The following MTR variants were observed in gnomAD, a reference collection of about 807,000 sequenced individuals.
The protein encoded by MTR is methionine synthase.
MTR carries 84 observed loss-of-function variants against 154.8 expected under a neutral mutation model. The observed-to-expected ratio is 0.54, with a 90% confidence interval of 0.45 to 0.65. The LOEUF (loss-of-function observed/expected upper bound fraction) is 0.65. Among genes scored for constraint, MTR ranks in the 30% least tolerant of loss-of-function variants. The pLI is 0.00. For missense variants in MTR, 1,275 were observed against 1,570.2 expected, an observed-to-expected ratio of 0.81 and a Z score of 3.18; for synonymous variants, 554 against 553.9, an observed-to-expected ratio of 1.00 and a Z score of 0.00.
At chr1:236,895,660 C>G in intron 31 of MTR, 110 bp downstream of exon 31, 1 of 1,138,904 alleles carries the variant, frequency 8.8e-7, no homozygotes, top group Non-Finnish European at 1.3e-6. Context: ...GGCTTCTAAT[C>G]ACATTGTCCC....
intron 27 of MTR, among the ~76,000 whole-genome samples, chr1:236,887,630 T>C (rs774009282): frequency 6.6e-6 from 1 of 152,126 alleles, no homozygotes; most frequent in Non-Finnish European, 1.5e-5. Flanking sequence ...CTGGCAGCGG[T>C]TGGGATGCTT....
At chr1:236,815,489 T>TG (rs1661534629) in intron 6 of MTR, 115 bp from the exon 7 acceptor site, 10 of 997,712 alleles carry the variant, frequency 1.0e-5, no homozygotes, top group South Asian at 1.3e-5. Context: ...CCAGAGAGCT[T>TG]GATGTATATC....
At chr1:236,842,528 T>A (rs563934909) in intron 15 of MTR, among the ~76,000 whole-genome samples, 6 of 152,214 alleles carry the variant, frequency 3.9e-5, no homozygotes, top group Non-Finnish European at 1.5e-5. Context: ...CTCCAAACCG[T>A]CTATTGAGTT....
Position 236,826,816 on chromosome 1 carries a change from T to C in MTR, c.928-13T>C. On this transcript the variant is annotated splice_polypyrimidine_tract_variant and intron_variant, in intron 10 of 32. Coordinates refer to ENST00000366577, the MANE Select transcript of MTR (RefSeq NM_000254.3). ...AGTGAACTTGCTGAAACTTTGTCTC[T>C]TCCTAAATGCAGGATTTTGCTATGG... 1 of 1,613,758 alleles carries C rather than the reference T, an allele frequency of 6.2e-7. No individual in the cohort carries two copies. Among genetic ancestry groups the C allele is most frequent in the Non-Finnish European group, 8.5e-7 (1 of 1,179,636 alleles).
At chr1:236,893,388 T>A (rs1666442171) in intron 29 of MTR, among the ~76,000 whole-genome samples, 1 of 152,294 alleles carries the variant, frequency 6.6e-6, no homozygotes, top group East Asian at 1.9e-4. Context: ...AATTGATCAG[T>A]CCTGAGCAGT....
At position 236,823,640 on chromosome 1, in the gene MTR, A is replaced by G. The variant is rs79697164; in HGVS notation, c.765-479A>G. Among the ~76,000 whole-genome samples, 418 of 152,082 alleles carry G rather than the reference A, an allele frequency of 2.7e-3. 2 individuals carry two copies. Among genetic ancestry groups the G allele is most frequent in the African/African-American group, 9.4e-3 (391 of 41,492 alleles). On this transcript the variant is annotated intron_variant, in intron 8 of 32. Transcript: ENST00000366577. ...ACCTCAGGCCCACCACCCACTGACA[A>G]CCTTATAGGGTAGCAGGGACTCTGC...
intron 12 of MTR, among the ~76,000 whole-genome samples, chr1:236,830,746 C>T (rs758141044): frequency 1.2e-4 from 18 of 152,092 alleles, no homozygotes; most frequent in African/African-American, 2.4e-4. Context: ...GCGTACCCTG[C>T]GACTAGCTTG....
intron 8 of MTR, among the ~76,000 whole-genome samples, chr1:236,821,579 A>G (rs539204639): frequency 6.6e-6 from 1 of 152,248 alleles, no homozygotes; most frequent in African/African-American, 2.4e-5. Flanking sequence ...AGTTCTAGTT[A>G]CCAGTTTTTT....
At chr1:236,812,641 C>A in intron 5 of MTR, 97 bp from the exon 6 acceptor site, 1 of 907,880 alleles carries the variant, frequency 1.1e-6, no homozygotes, top group Non-Finnish European at 1.9e-6. Context: ...TGTAAACCAG[C>A]AATAGTTCAC....
At chr1:236,863,626 T>C in intron 22 of MTR, 72 bp downstream of exon 22, 1 of 1,310,040 alleles carries the variant, frequency 7.6e-7, no homozygotes, top group Non-Finnish European at 1.1e-6. Context: ...GAATAATTCT[T>C]CAATGGGTGG....
Position 236,828,177 on chromosome 1 carries a change from C to T in MTR, c.996-1012C>T, listed in dbSNP as rs1017529080. Among the ~76,000 whole-genome samples, 39 of 152,262 alleles carry T rather than the reference C, an allele frequency of 2.6e-4. 1 individual carries two copies. The highest frequency in any genetic ancestry group is 2.1e-3 in the Admixed American group (32 of 15,294). Reference sequence around the variant, plus strand: ...TATTTTTAGTAGAGACGGGGTTTCACCTCGTTAGCCAGGATGGTCTTGGTC... The same window carrying T: ...TATTTTTAGTAGAGACGGGGTTTCATCTCGTTAGCCAGGATGGTCTTGGTC... On this transcript the variant is annotated intron_variant, in intron 11 of 32. Coordinates refer to ENST00000366577, the MANE Select transcript of MTR (RefSeq NM_000254.3).
At chr1:236,880,969 G>C in intron 25 of MTR, 133 bp downstream of exon 25, 4 of 896,612 alleles carry the variant, frequency 4.5e-6, no homozygotes, top group Non-Finnish European at 7.3e-6. Flanking sequence ...TGAGGCTCAT[G>C]GTGTGCCTCT....
At chr1:236,836,224 C>A (rs528797186) in intron 14 of MTR, among the ~76,000 whole-genome samples, 9 of 151,810 alleles carry the variant, frequency 5.9e-5, no homozygotes, top group Admixed American at 1.3e-4. Context: ...AAAATCTTAC[C>A]TTGTTTTTCT....
At chr1:236,861,643 G>A (rs963458266) in intron 20 of MTR, among the ~76,000 whole-genome samples, 1 of 152,140 alleles carries the variant, frequency 6.6e-6, no homozygotes, top group Admixed American at 6.5e-5. Context: ...CATCTGTAAG[G>A]ATGCATATTT....
chr1:236,824,190 C>G lies in MTR; in HGVS notation c.836C>G (p.Thr279Arg). ...ATTGAAATAATTGGAAAATGTACAA[C>G]AGCCTATGTCCTCTGTTATCCCAAT... ...PFIEIIGKCT[T>R]AYVLCYPNAG... Residue 279 changes from threonine (T) to arginine (R), a missense_variant, in exon 9 of 33, where the codon ACA becomes AGA. Physicochemically the swap from Thr to Arg is moderately conservative, Grantham distance 71. Transcript: ENST00000366577. 8.7e-6 allele frequency: 14 copies of G among 1,614,008 alleles called. No individual in the cohort carries two copies. The highest frequency in any genetic ancestry group is 1.2e-5 in the Non-Finnish European group (14 of 1,179,916).
At chr1:236,810,467 C>G (rs772789684) in intron 4 of MTR, 36 bp from the exon 5 acceptor site, 1 of 1,552,742 alleles carries the variant, frequency 6.4e-7, no homozygotes, top group East Asian at 2.2e-5. Context: ...TGTTCAGCCA[C>G]TTAGAGATCT....
intron 26 of MTR, among the ~76,000 whole-genome samples, chr1:236,885,455 G>C (rs531303090): frequency 6.6e-6 from 1 of 152,282 alleles, no homozygotes; most frequent in Admixed American, 6.5e-5. Flanking sequence ...TGGGTACCCA[G>C]TAGGTGTTAG....
intron 1 of MTR, chr1:236,799,964 C>T (rs1660617563): frequency 1.3e-6 from 1 of 793,770 alleles, no homozygotes; most frequent in Non-Finnish European, 1.5e-6. Flanking sequence ...GGTGGCTCAA[C>T]AAACAAGATG....
chr1:236,811,591 A>G (rs1334578153), intron 5 of MTR: 2 of 455,360 alleles, frequency 4.4e-6, no homozygotes, highest in Non-Finnish European at 8.8e-6. Flanking sequence ...ACACTTTTTC[A>G]CTAGGAGTTG....
Sources: allele counts gnomAD v4.1 joint callset (sites outside exome capture counted in the v4.1 genomes callset), GRCh38; gene constraint gnomAD v4.1.1; transcripts MANE v1.5; gene names NCBI Gene and HGNC (gene_info 2026-07-23, HGNC 2026-07-21).